The following KLF12 variants were observed in gnomAD, a reference collection of about 807,000 sequenced individuals.
KLF12 encodes the protein KLF transcription factor 12, also known as Krueppel-like factor 12.
Under a neutral mutation model 37.8 loss-of-function variants are expected in KLF12, and 9 were observed. The observed-to-expected ratio is 0.24, with a 90% confidence interval of 0.14 to 0.42. The LOEUF (loss-of-function observed/expected upper bound fraction) is 0.42. KLF12 is among the 10% of genes least tolerant of loss of function. KLF12 has a pLI of 1.00. For missense variants in KLF12, 411 were observed against 516.0 expected (o/e 0.80, Z 1.97); for synonymous variants, 208 against 202.1 (o/e 1.03, Z -0.25).
chr13:74,221,638 C>T, the KLF12 span, among the ~76,000 whole-genome samples: 1 of 152,148 alleles, frequency 6.6e-6, no homozygotes, highest in Non-Finnish European at 1.5e-5. Context: ...CATTCTCTTG[C>T]TCTGTAACAC....
rs185343229 is a variant in KLF12 at position 74,124,120 on chromosome 13, C to T, written c.-32+9619G>A. Among the ~76,000 whole-genome samples, 10 of 152,306 alleles carry T rather than the reference C, an allele frequency of 6.6e-5. No individual in the cohort carries two copies. In the East Asian group the frequency reaches 1.9e-3, roughly 29 times the overall value. On this transcript the variant is annotated intron_variant, in intron 1 of 7. Coordinates refer to ENST00000377669, the MANE Select transcript of KLF12 (RefSeq NM_007249.5). ...AGCCTAAAGCCTTGGTATAATTCCA[C>T]CACACTCAATATAGTGCTAAAAAAA...
At chr13:73,767,836 G>C (rs1363960505) in intron 5 of KLF12, among the ~76,000 whole-genome samples, 1 of 152,100 alleles carries the variant, frequency 6.6e-6, no homozygotes, top group Non-Finnish European at 1.5e-5. Flanking sequence ...CTTAATGACT[G>C]CCATTTATAG....
chr13:74,123,166 C>T (rs1196554214), intron 1 of KLF12, among the ~76,000 whole-genome samples: 5 of 151,944 alleles, frequency 3.3e-5, no homozygotes, highest in African/African-American at 7.2e-5. Flanking sequence ...ACGTCAATAT[C>T]ATAAATACCT....
At chr13:74,054,098 C>T (rs1873097515) in intron 1 of KLF12, among the ~76,000 whole-genome samples, 1 of 152,038 alleles carries the variant, frequency 6.6e-6, no homozygotes, top group African/African-American at 2.4e-5. Flanking sequence ...TTTTAAATTG[C>T]TCCAGAATAT....
the KLF12 span, among the ~76,000 whole-genome samples, chr13:74,203,622 G>C: frequency 1.3e-5 from 2 of 152,136 alleles, no homozygotes; most frequent in Non-Finnish European, 2.9e-5. Flanking sequence ...TATGCAATGT[G>C]AAAATCTGTA....
intron 2 of KLF12, among the ~76,000 whole-genome samples, chr13:73,962,911 A>G (rs1891063073): frequency 6.6e-6 from 1 of 152,246 alleles, no homozygotes. Flanking sequence ...CTATCTCAAG[A>G]GTTTTGAAGA....
intron 3 of KLF12, among the ~76,000 whole-genome samples, chr13:73,934,102 T>C (rs959906637): frequency 3.3e-5 from 5 of 152,208 alleles, no homozygotes; most frequent in African/African-American, 1.2e-4. Context: ...TCTTGCTATC[T>C]GTACTCTGTT....
At chr13:73,696,564 C>G (rs981643092) in intron 7 of KLF12, among the ~76,000 whole-genome samples, 2 of 152,158 alleles carry the variant, frequency 1.3e-5, no homozygotes, top group African/African-American at 4.8e-5. Flanking sequence ...CCATGCAACC[C>G]CACAAAAACT....
chr13:74,156,107 C>T, the KLF12 span, among the ~76,000 whole-genome samples: 27,409 of 152,152 alleles, frequency 0.18, 2,919 homozygotes, highest in African/African-American at 0.29. Context: ...TTGGAGACTT[C>T]CTCCACAATG....
intron 6 of KLF12, among the ~76,000 whole-genome samples, chr13:73,728,112 C>T (rs2325552): frequency 0.62 from 94,546 of 152,124 alleles, 29,742 homozygotes; most frequent in East Asian, 0.73. Flanking sequence ...GACATCTTTC[C>T]GTTTAATTAA....
chr13:74,038,007 A>G (rs926334466), intron 1 of KLF12, among the ~76,000 whole-genome samples: 15 of 152,356 alleles, frequency 9.8e-5, no homozygotes, highest in African/African-American at 2.6e-4. Flanking sequence ...AAGATCTGTT[A>G]TCTTGATTCT....
intron 2 of KLF12, among the ~76,000 whole-genome samples, chr13:73,965,673 T>G (rs1891152995): frequency 6.6e-6 from 1 of 152,170 alleles, no homozygotes; most frequent in African/African-American, 2.4e-5. Context: ...TGCACACTGC[T>G]CCAAAACTTC....
chr13:73,843,994 ATCTC>A (rs1211469880), intron 4 of KLF12, among the ~76,000 whole-genome samples: 2 of 152,162 alleles, frequency 1.3e-5, no homozygotes, highest in African/African-American at 4.8e-5. Context: ...CAAAATAAAA[ATCTC>A]TCTCACAAAA....
chr13:74,291,472 A>G, the KLF12 span, among the ~76,000 whole-genome samples: 1 of 152,234 alleles, frequency 6.6e-6, no homozygotes, highest in Non-Finnish European at 1.5e-5. Context: ...CTCTCTGGGC[A>G]AAGTCACATC....
At chr13:73,762,168 A>G (rs915166978) in intron 6 of KLF12, among the ~76,000 whole-genome samples, 48 of 152,184 alleles carry the variant, frequency 3.2e-4, no homozygotes, top group African/African-American at 1.1e-3. Flanking sequence ...ATCCACTCCA[A>G]CATATGTCGT....
At chr13:73,972,048 T>C (rs979348853) in intron 2 of KLF12, among the ~76,000 whole-genome samples, 33 of 152,178 alleles carry the variant, frequency 2.2e-4, no homozygotes, top group Admixed American at 3.9e-4. Flanking sequence ...TGATATGAAA[T>C]GATGCTCAGG....
At chr13:74,226,475 T>C in the KLF12 span, among the ~76,000 whole-genome samples, 4 of 152,166 alleles carry the variant, frequency 2.6e-5, no homozygotes, top group Admixed American at 2.0e-4. Flanking sequence ...GGGACATCCA[T>C]GTGGGCATGC....
At chr13:74,091,562 C>A (rs7983151) in intron 1 of KLF12, among the ~76,000 whole-genome samples, 29,446 of 152,058 alleles carry the variant, frequency 0.19, 3,006 homozygotes, top group African/African-American at 0.27. Flanking sequence ...ACCACAGTTT[C>A]TTCATCCATT....
At chr13:74,081,056 C>G (rs762518638) in intron 1 of KLF12, among the ~76,000 whole-genome samples, 1 of 152,160 alleles carries the variant, frequency 6.6e-6, no homozygotes, top group Non-Finnish European at 1.5e-5. Flanking sequence ...GCCTCTGGTA[C>G]GAAATGACCA....
Sources: allele counts gnomAD v4.1 joint callset (sites outside exome capture counted in the v4.1 genomes callset), GRCh38; gene constraint gnomAD v4.1.1; transcripts MANE v1.5; gene names NCBI Gene and HGNC (gene_info 2026-07-23, HGNC 2026-07-21).